MYO1H: variants seen among roughly 807,000 people sequenced by gnomAD.
MYO1H encodes the protein unconventional myosin-Ih.
Under a neutral mutation model 149.3 loss-of-function variants are expected in MYO1H, and 118 were observed. The observed-to-expected ratio is 0.79, with a 90% CI of 0.68 to 0.92. The LOEUF is 0.92. MYO1H is among the 40% of genes least tolerant of loss of function. The pLI is 0.00. For missense variants in MYO1H, 1,212 were observed against 1,280.7 expected (o/e 0.95, Z 0.82); for synonymous variants, 447 against 465.2 (o/e 0.96, Z 0.50).
rs1411147299 is a variant in MYO1H at position 109,410,745 on chromosome 12, C to CA, written c.1388dup (p.His463GlnfsTer2). 6.9e-6 allele frequency: 11 copies of CA among 1,596,474 alleles called. No homozygotes were observed. Among genetic ancestry groups the CA allele is most frequent in the Non-Finnish European group, 9.4e-6 (11 of 1,166,822 alleles). On this transcript the variant is annotated frameshift_variant, in exon 13 of 32. Coordinates refer to ENST00000310903, the Ensembl canonical transcript of MYO1H. LOFTEE classifies it high-confidence loss of function. ...CATCTGTGATTTGGTAGAAGAGAGA[C>CA]ATAAAGGAATCATATCTATTCTGGT...
the MYO1H span, among the ~76,000 whole-genome samples, chr12:109,328,693 G>A: frequency 2.7e-4 from 41 of 152,084 alleles, no homozygotes; most frequent in South Asian, 8.3e-4. Context: ...TTCTAATGTC[G>A]TTTTTTCCTG....
At chr12:109,388,838 C>G (rs1045273919) in exon 2 of MYO1H, 2 of 1,609,114 alleles carry the variant, frequency 1.2e-6, no homozygotes. Context: ...GCGAGAACCT[C>G]ATATACGTAA....
At chr12:109,321,747 C>T in the MYO1H span, among the ~76,000 whole-genome samples, 4 of 152,128 alleles carry the variant, frequency 2.6e-5, no homozygotes, top group Admixed American at 2.0e-4. Context: ...ACTTTATATC[C>T]ATCAAACTGG....
the MYO1H span, among the ~76,000 whole-genome samples, chr12:109,320,381 G>C: frequency 6.6e-6 from 1 of 151,298 alleles, no homozygotes; most frequent in Non-Finnish European, 1.5e-5. Context: ...AGGCCAAGGT[G>C]GGGGGATCAC....
the MYO1H span, among the ~76,000 whole-genome samples, chr12:109,333,637 C>T: frequency 6.1e-4 from 93 of 152,290 alleles, no homozygotes; most frequent in African/African-American, 2.2e-3. Flanking sequence ...GGCCTGGAGA[C>T]AGATGGTTCC....
chr12:109,358,875 C>CT (rs1446124727), intron 1 of MYO1H, among the ~76,000 whole-genome samples: 4 of 120,916 alleles, frequency 3.3e-5, no homozygotes, highest in Admixed American at 2.6e-4. Context: ...AAAAAAGGCT[C>CT]TAAGATAAAT....
At chr12:109,366,594 G>A (rs144998756) in intron 1 of MYO1H, among the ~76,000 whole-genome samples, 55 of 152,302 alleles carry the variant, frequency 3.6e-4, no homozygotes, top group African/African-American at 1.2e-3. Flanking sequence ...GCCAAAGAAC[G>A]GGAAGCTCCC....
chr12:109,330,788 A>C, the MYO1H span, among the ~76,000 whole-genome samples: 1 of 152,096 alleles, frequency 6.6e-6, no homozygotes, highest in Admixed American at 6.5e-5. Context: ...GCATTGTGGG[A>C]TTTCCAGGAA....
the MYO1H span, among the ~76,000 whole-genome samples, chr12:109,325,847 T>C: frequency 2.0e-5 from 3 of 152,090 alleles, no homozygotes; most frequent in African/African-American, 4.8e-5. Context: ...ATTAGAGAAA[T>C]GCAAATCAAA....
the MYO1H span, among the ~76,000 whole-genome samples, chr12:109,337,190 C>G: frequency 6.6e-6 from 1 of 152,126 alleles, no homozygotes; most frequent in South Asian, 2.1e-4. Context: ...AGCATTTTTT[C>G]CTGTGATTTC....
chr12:109,382,298 G>A (rs1035975377), intron 1 of MYO1H, among the ~76,000 whole-genome samples: 1 of 152,132 alleles, frequency 6.6e-6, no homozygotes, highest in African/African-American at 2.4e-5. Flanking sequence ...AGACAGACAT[G>A]TTAAATGACT....
intron 9 of MYO1H, among the ~76,000 whole-genome samples, chr12:109,407,434 T>C (rs1870441171): frequency 6.8e-6 from 1 of 147,740 alleles, no homozygotes; most frequent in African/African-American, 2.4e-5. Flanking sequence ...AAGACAAGAG[T>C]AGCATCTTCC....
chr12:109,420,272 G>GAGGGACCTCA (rs1871118693), intron 15 of MYO1H, among the ~76,000 whole-genome samples: 1 of 152,162 alleles, frequency 6.6e-6, no homozygotes, highest in African/African-American at 2.4e-5. Flanking sequence ...CTGAGGACCT[G>GAGGGACCTCA]GTTCTCAATG....
chr12:109,381,260 C>T (rs944542043), intron 1 of MYO1H, among the ~76,000 whole-genome samples: 2 of 151,964 alleles, frequency 1.3e-5, no homozygotes, highest in African/African-American at 2.4e-5. Flanking sequence ...CAGAAGGACT[C>T]GAATCACTCA....
At chr12:109,417,722 A>G (rs1870985849) in intron 15 of MYO1H, among the ~76,000 whole-genome samples, 1 of 152,196 alleles carries the variant, frequency 6.6e-6, no homozygotes, top group South Asian at 2.1e-4. Flanking sequence ...GATATTAAAC[A>G]TGTTTTCACG....
intron 1 of MYO1H, among the ~76,000 whole-genome samples, chr12:109,360,121 T>C (rs1868712090): frequency 6.6e-6 from 1 of 151,944 alleles, no homozygotes; most frequent in Non-Finnish European, 1.5e-5. Context: ...TTCTTTCTTT[T>C]TTTTTTTTAT....
chr12:109,393,498 CCTCT>C (rs1273457232), intron 3 of MYO1H, 52 bp downstream of exon 3: 4 of 948,518 alleles, frequency 4.2e-6, no homozygotes, highest in African/African-American at 5.1e-5. Flanking sequence ...TTTTCCCCTT[CCTCT>C]CTCTCCTTCC....
At chr12:109,380,109 G>T (rs550006773) in intron 1 of MYO1H, among the ~76,000 whole-genome samples, 2 of 151,460 alleles carry the variant, frequency 1.3e-5, no homozygotes, top group Non-Finnish European at 2.9e-5. Flanking sequence ...TGCCCACGCT[G>T]GTTTCAAACT....
chr12:109,390,032 G>T (rs964863180), intron 2 of MYO1H, among the ~76,000 whole-genome samples: 1 of 152,078 alleles, frequency 6.6e-6, no homozygotes, highest in Non-Finnish European at 1.5e-5. Context: ...GGCATGACAG[G>T]ATCATTGCGA....
Sources: gnomAD v4.1 joint callset for allele counts (sites outside exome capture counted in the v4.1 genomes callset) on GRCh38, gnomAD v4.1.1 for gene constraint, MANE v1.5 for transcripts, NCBI Gene and HGNC (gene_info 2026-07-23, HGNC 2026-07-21) for gene names.